The following CDK13 variants were observed in gnomAD, a reference collection of about 807,000 sequenced individuals.
CDK13 encodes the protein cyclin-dependent kinase 13.
In CDK13, 40 loss-of-function variants were observed where a neutral mutation model predicts 137.6. The observed-to-expected ratio is 0.29, with a 90% CI of 0.23 to 0.38. The LOEUF is 0.38. Among genes scored for constraint, CDK13 ranks in the 10% least tolerant of loss-of-function variants. The probability of loss-of-function intolerance (pLI) is 1.00; values close to 1 mark genes in which losing one functional copy is unlikely to be tolerated. For synonymous variants in CDK13, 869 were observed against 760.1 expected (o/e 1.14, Z -2.36); for missense variants, 1,704 against 1,951.8 (o/e 0.87, Z 2.39).
intron 2 of CDK13, among the ~76,000 whole-genome samples, chr7:39,994,707 A>G (rs1030642374): frequency 2.0e-5 from 3 of 152,148 alleles, no homozygotes; most frequent in Non-Finnish European, 4.4e-5. Flanking sequence ...TAAAATTACA[A>G]TTCATAGTTC....
intron 5 of CDK13, among the ~76,000 whole-genome samples, chr7:40,003,632 C>A (rs1784740091): frequency 6.6e-6 from 1 of 152,104 alleles, no homozygotes; most frequent in Non-Finnish European, 1.5e-5. Flanking sequence ...TGTGCAAATG[C>A]TGTTTGTTTT....
intron 2 of CDK13, among the ~76,000 whole-genome samples, chr7:39,991,229 A>T (rs747949664): frequency 4.6e-5 from 7 of 152,214 alleles, no homozygotes; most frequent in Non-Finnish European, 8.8e-5. Context: ...GTGGTTTATA[A>T]ACTATTTCTC....
intron 7 of CDK13, among the ~76,000 whole-genome samples, chr7:40,053,247 G>A (rs553920198): frequency 4.4e-4 from 67 of 152,122 alleles, no homozygotes; most frequent in Middle Eastern, 6.8e-3. Context: ...TTGTTTATTG[G>A]AAATCTCTAC....
At chr7:40,070,909 A>G (rs1206801461) in intron 9 of CDK13, 2 of 152,182 alleles carry the variant, frequency 1.3e-5, no homozygotes, top group African/African-American at 4.8e-5. Flanking sequence ...CACAATGTAC[A>G]TTGCTTATGA....
intron 11 of CDK13, among the ~76,000 whole-genome samples, chr7:40,081,684 T>G (rs1404388799): frequency 6.6e-6 from 1 of 152,236 alleles, no homozygotes; most frequent in Non-Finnish European, 1.5e-5. Flanking sequence ...GAATATTTCC[T>G]TATTTATTTA....
intron 1 of CDK13, among the ~76,000 whole-genome samples, chr7:39,965,518 C>T (rs942643587): frequency 2.0e-4 from 30 of 152,112 alleles, no homozygotes; most frequent in African/African-American, 7.2e-4. Flanking sequence ...TGTCTCTGCA[C>T]GTGAGATGGG....
intron 7 of CDK13, 30 bp downstream of exon 7, chr7:40,047,907 A>AT (rs1785785721): frequency 7.0e-7 from 1 of 1,422,902 alleles, no homozygotes; most frequent in African/African-American, 1.4e-5. Context: ...AATATTGTAG[A>AT]TACTAGAGTT....
At chr7:40,014,742 C>T (rs918495128) in intron 5 of CDK13, among the ~76,000 whole-genome samples, 1 of 152,192 alleles carries the variant, frequency 6.6e-6, no homozygotes, top group Admixed American at 6.5e-5. Context: ...AGGCGTGTGC[C>T]ACTGTGTCCA....
chr7:39,984,595 C>T (rs1421392922), intron 1 of CDK13: 3 of 152,062 alleles, frequency 2.0e-5, no homozygotes, highest in African/African-American at 4.8e-5. Context: ...ATCCTTTTAT[C>T]CTTTGTGTTA....
At position 40,098,620 on chromosome 7, in the gene CDK13, A is replaced by T. The variant is rs1787089688; in HGVS notation, c.*3640A>T. On this transcript the variant is annotated 3_prime_UTR_variant, in exon 14 of 14. Coordinates refer to ENST00000181839, the MANE Select transcript of CDK13 (RefSeq NM_003718.5). ...CTAAAATTATCCAGTCGGTCTTCTT[A>T]CTTTACAACTAAGAAAAATAAGGCT... The T allele has an allele frequency of 6.6e-6, 1 of 150,504 alleles. No homozygotes were observed. The allele number at this position is 150,504 out of a possible 1,614,324, so 9.3% of individuals were successfully genotyped here.
intron 1 of CDK13, among the ~76,000 whole-genome samples, chr7:39,981,557 AT>A (rs1414509446): frequency 6.6e-6 from 1 of 152,192 alleles, no homozygotes; most frequent in Non-Finnish European, 1.5e-5. Flanking sequence ...CTAAACTGAA[AT>A]TTGTTTAGTT....
At chr7:40,074,522 C>CAA (rs34228836) in intron 9 of CDK13, among the ~76,000 whole-genome samples, 882 of 77,914 alleles carry the variant, frequency 0.011, 22 homozygotes, top group African/African-American at 0.032. Flanking sequence ...GACACCATCT[C>CAA]AAAAAAAAAA....
At position 39,951,384 on chromosome 7, in the gene CDK13, G is replaced by A. The variant is rs1473633265; in HGVS notation, c.743G>A (p.Ser248Asn). 2.0e-6 allele frequency: 3 copies of A among 1,521,690 alleles called. No individual in the cohort carries two copies. Among genetic ancestry groups the A allele is most frequent in the African/African-American group, 2.8e-5 (2 of 70,486 alleles). The allele number at this position is 1,521,690 out of a possible 1,614,324, so 94.3% of individuals were successfully genotyped here. ...GAGGAACGGGCCGAGGTCGCCAAGA[G>A]CGGCAGCAGCAGCAGCAGCGGCGGC... Reference protein sequence around the residue: ...SGEERAEVAKSGSSSSSGGRR... With the variant: ...SGEERAEVAKNGSSSSSGGRR... Residue 248 changes from serine (S) to asparagine (N), a missense_variant, in exon 1 of 14, where the codon AGC (serine) becomes AAC (asparagine). Ser to Asn is a conservative substitution (Grantham distance 46). Transcript: ENST00000181839.
At chr7:40,028,263 G>GGCT (rs1455031800) in intron 5 of CDK13, among the ~76,000 whole-genome samples, 5 of 146,138 alleles carry the variant, frequency 3.4e-5, no homozygotes, top group African/African-American at 1.3e-4. Flanking sequence ...TCTGTCGCCA[G>GGCT]GCTGGAGTGC....
intron 6 of CDK13, 54 bp downstream of exon 6, chr7:40,046,079 C>A: frequency 9.0e-7 from 1 of 1,114,944 alleles, no homozygotes; most frequent in Non-Finnish European, 1.3e-6. Flanking sequence ...TGGACATGTA[C>A]ATGGAGAGAA....
chr7:39,994,969 A>G (rs1007264234), intron 2 of CDK13, among the ~76,000 whole-genome samples: 1 of 151,650 alleles, frequency 6.6e-6, no homozygotes, highest in Admixed American at 6.6e-5. Flanking sequence ...TAATACAGTC[A>G]TAATTTGGAG....
intron 5 of CDK13, among the ~76,000 whole-genome samples, chr7:40,009,470 A>G (rs1784853886): frequency 6.6e-6 from 1 of 152,240 alleles, no homozygotes; most frequent in Non-Finnish European, 1.5e-5. Flanking sequence ...TTTGGTTAGG[A>G]ATGAAGAATT....
chr7:40,022,311 G>T (rs751784287), intron 5 of CDK13, among the ~76,000 whole-genome samples: 2 of 152,050 alleles, frequency 1.3e-5, no homozygotes, highest in African/African-American at 4.8e-5. Context: ...CAAACTTCTT[G>T]TAATGTGCAT....
At chr7:40,048,382 C>T (rs1785797107) in intron 7 of CDK13, 1 of 152,088 alleles carries the variant, frequency 6.6e-6, no homozygotes, top group African/African-American at 2.4e-5. Flanking sequence ...ATATACCCAA[C>T]TTGGCTTTCT....
Sources: allele counts gnomAD v4.1 joint callset (sites outside exome capture counted in the v4.1 genomes callset), GRCh38; gene constraint gnomAD v4.1.1; transcripts MANE v1.5; gene names NCBI Gene and HGNC (gene_info 2026-07-23, HGNC 2026-07-21).